CDKL3: variants seen among roughly 807,000 people sequenced by gnomAD.
The protein encoded by CDKL3 is cyclin-dependent kinase-like 3.
Under a neutral mutation model 69.3 loss-of-function variants are expected in CDKL3, and 65 were observed. That is an observed-to-expected ratio of 0.94 (90% CI 0.77 to 1.15). The LOEUF is 1.15. Among genes scored for constraint, CDKL3 ranks in the 50% most tolerant of loss-of-function variants. The pLI, the probability that CDKL3 is intolerant of heterozygous loss-of-function variation, is 0.00. For synonymous variants in CDKL3, 202 were observed against 221.6 expected (o/e 0.91, Z 0.79); for missense variants, 652 against 689.2 (o/e 0.95, Z 0.61).
At chr5:134,311,087 G>A (rs1769353425) in intron 7 of CDKL3, among the ~76,000 whole-genome samples, 1 of 152,176 alleles carries the variant, frequency 6.6e-6, no homozygotes, top group African/African-American at 2.4e-5. Context: ...GCTGATTCAT[G>A]AATCTAAATT....
At chr5:134,335,912 G>A (rs958062916) in intron 4 of CDKL3, among the ~76,000 whole-genome samples, 3 of 152,186 alleles carry the variant, frequency 2.0e-5, no homozygotes, top group African/African-American at 7.2e-5. Flanking sequence ...ATCCTGAAGA[G>A]TGTTTTCTAA....
At chr5:134,304,651 T>C (rs930570330) in intron 10 of CDKL3, 84 bp from the exon 11 acceptor site, 6 of 1,025,264 alleles carry the variant, frequency 5.9e-6, no homozygotes, top group African/African-American at 3.3e-5. Flanking sequence ...GCCATTTGGA[T>C]GGTATAAGAT....
intron 4 of CDKL3, among the ~76,000 whole-genome samples, chr5:134,325,932 T>C (rs1189843110): frequency 6.9e-6 from 1 of 145,294 alleles, no homozygotes; most frequent in Admixed American, 6.9e-5. Flanking sequence ...CCTGGCTTTT[T>C]TTTTTTTTTT....
chr5:134,366,580 A>T (rs1342259304), intron 1 of CDKL3, 36 bp from the exon 2 acceptor site: 3 of 1,295,964 alleles, frequency 2.3e-6, no homozygotes, highest in Non-Finnish European at 3.2e-6. Flanking sequence ...GGAAAATGTT[A>T]AACGTTTATA....
chr5:134,354,748 A>G (rs2149618967), intron 3 of CDKL3, among the ~76,000 whole-genome samples: 1 of 152,286 alleles, frequency 6.6e-6, no homozygotes, highest in African/African-American at 2.4e-5. Flanking sequence ...GGAGATCGAG[A>G]CCATCCTGGC....
chr5:134,344,119 A>T (rs1228818047), intron 4 of CDKL3, among the ~76,000 whole-genome samples: 1 of 152,134 alleles, frequency 6.6e-6, no homozygotes, highest in Non-Finnish European at 1.5e-5. Context: ...ATGAACTTGG[A>T]CTCTTACCTT....
rs745924250 is a variant in CDKL3, at chr5:134,355,566, G to A, written c.360+4331C>T. The stretch of plus-strand genomic sequence containing the variant: ...TTGAAAAGTTATATCGCAATTCTGA[G>A]ATGATTTAAGATGAACTTTGATTAT... On this transcript the variant is annotated intron_variant, in intron 3 of 12. Transcript: ENST00000265334. Among the ~76,000 whole-genome samples, 87 of 152,286 alleles carry A rather than the reference G, an allele frequency of 5.7e-4. No homozygotes were observed. In the Middle Eastern group the frequency reaches 0.01, roughly 18 times the overall value.
Position 134,364,883 on chromosome 5 carries a change from T to C in CDKL3, c.165+1476A>G, listed in dbSNP as rs185268826. Among the ~76,000 whole-genome samples, 803 of 151,796 alleles carry C rather than the reference T, an allele frequency of 5.3e-3. 2 individuals are homozygous for C. The highest frequency in any genetic ancestry group is 9.0e-3 in the Non-Finnish European group (609 of 67,924). On this transcript the variant is annotated intron_variant, in intron 2 of 12. Coordinates refer to ENST00000265334, the MANE Select transcript of CDKL3 (RefSeq NM_001113575.2). ...GTGCAGTGGCGTGATCTCGGCTCAC[T>C]GCAACCTCCACCTTCTGGGTTTGAG...
intron 6 of CDKL3, among the ~76,000 whole-genome samples, chr5:134,313,984 AAT>A (rs1346668527): frequency 6.6e-6 from 1 of 151,906 alleles, no homozygotes; most frequent in African/African-American, 2.4e-5. Flanking sequence ...CTAAAAAAAA[AAT>A]AATACAAAAT....
chr5:134,297,729 G>A (rs1765433042), downstream of CDKL3, among the ~76,000 whole-genome samples: 1 of 151,458 alleles, frequency 6.6e-6, no homozygotes, highest in Admixed American at 6.6e-5. Context: ...TTACAGGCAT[G>A]TGCCACCACG....
At chr5:134,341,143 AC>A (rs949842370) in intron 4 of CDKL3, among the ~76,000 whole-genome samples, 15 of 152,132 alleles carry the variant, frequency 9.9e-5, no homozygotes, top group African/African-American at 2.9e-4. Context: ...AAAATCCAAC[AC>A]CCCTTCATGA....
Position 134,367,034 on chromosome 5 carries a change from G to A in CDKL3, c.-79C>T. ...TATCCAAACAGCCGCCGCCGCCTCAGCCCATTCTGTGGTCCCGCTGGTCTG... is the reference window on the plus strand; with the variant it reads ...TATCCAAACAGCCGCCGCCGCCTCAACCCATTCTGTGGTCCCGCTGGTCTG... On this transcript the variant is annotated 5_prime_UTR_variant, in exon 1 of 13. Transcript: ENST00000265334. 1 of 989,280 alleles carries A rather than the reference G, an allele frequency of 1.0e-6. No homozygotes were observed. Among genetic ancestry groups the A allele is most frequent in the Non-Finnish European group, 1.2e-6 (1 of 832,674 alleles). 61.3% of individuals were successfully genotyped at this position (989,280 alleles called of 1,614,324 possible).
At chr5:134,301,844 G>A (rs1002507473) in intron 12 of CDKL3, among the ~76,000 whole-genome samples, 4 of 152,020 alleles carry the variant, frequency 2.6e-5, no homozygotes, top group African/African-American at 7.2e-5. Context: ...CCGAGATCGC[G>A]CCACTGCACT....
In CDKL3 at chr5:134,366,515, C is replaced by G; in HGVS notation, c.9G>C (p.Met3Ile). 3 of 1,597,986 alleles carry G rather than the reference C, an allele frequency of 1.9e-6. No homozygotes were observed. In the South Asian group the frequency reaches 3.4e-5, roughly 18 times the overall value. Reference sequence around the variant, plus strand: ...CTCCCACTTTTCCAAGGGTTTCATACATCTCCATTTTCAAGCTGGGCTTTT... The same window carrying G: ...CTCCCACTTTTCCAAGGGTTTCATAGATCTCCATTTTCAAGCTGGGCTTTT... ME[M>I]YETLGKVGEG... The change falls in exon 2 of 13, where the codon ATG becomes ATC. Residue 3 changes from methionine to isoleucine, a missense_variant. By Grantham distance (10) the Met-to-Ile change is conservative. Coordinates refer to ENST00000265334, the MANE Select transcript of CDKL3 (RefSeq NM_001113575.2).
intron 2 of CDKL3, 113 bp downstream of exon 2, chr5:134,366,246 C>T: frequency 1.4e-6 from 1 of 705,462 alleles, no homozygotes; most frequent in South Asian, 2.1e-5. Context: ...GAGTATTACA[C>T]TTGTTTCTCC....
At chr5:134,321,006 T>TTC (rs1491454126) in intron 5 of CDKL3, among the ~76,000 whole-genome samples, 1 of 112,324 alleles carries the variant, frequency 8.9e-6, no homozygotes, top group African/African-American at 4.7e-5. Context: ...AAACATATTC[T>TTC]TTTTTTTTTT....
intron 4 of CDKL3, among the ~76,000 whole-genome samples, 179 bp from the exon 5 acceptor site, chr5:134,322,082 G>A (rs749643958): frequency 3.9e-5 from 6 of 152,070 alleles, no homozygotes; most frequent in Non-Finnish European, 2.9e-5. Flanking sequence ...TGCAAGTGCT[G>A]CAATCTCAGC....
intron 7 of CDKL3, among the ~76,000 whole-genome samples, chr5:134,309,086 GTTC>G (rs1319856891): frequency 3.3e-5 from 5 of 152,032 alleles, no homozygotes; most frequent in South Asian, 2.1e-4. Flanking sequence ...CTTTTCTGTG[GTTC>G]TTCTTTTTTT....
At chr5:134,298,156 A>G, downstream of CDKL3, 2 of 656,440 alleles carry the variant, frequency 3.0e-6, no homozygotes, top group Non-Finnish European at 3.8e-6. Flanking sequence ...CTGGTTTCGA[A>G]CTCCTGACCT....
Sources: gnomAD v4.1 joint callset for allele counts (sites outside exome capture counted in the v4.1 genomes callset) on GRCh38, gnomAD v4.1.1 for gene constraint, MANE v1.5 for transcripts, NCBI Gene and HGNC (gene_info 2026-07-23, HGNC 2026-07-21) for gene names.